The following CEP295NL variants were observed in gnomAD, a reference collection of about 807,000 sequenced individuals.
CEP295NL encodes the protein CEP295 N-terminal like, also known as protein DDC8 homolog.
In CEP295NL, 3 loss-of-function variants were observed where a neutral mutation model predicts 4.6. That is an observed-to-expected ratio of 0.65 (90% CI 0.30 to 1.69). The LOEUF is 1.69. Ranked by LOEUF, CEP295NL falls within the 40% of genes most tolerant of loss-of-function variation. The pLI is 0.10. For missense variants in CEP295NL, 719 were observed against 769.0 expected (o/e 0.93, Z 0.77); for synonymous variants, 295 against 312.2 (o/e 0.94, Z 0.58).
intron 2 of CEP295NL, among the ~76,000 whole-genome samples, chr17:78,894,797 C>G (rs780152989): frequency 6.6e-6 from 1 of 151,658 alleles, no homozygotes; most frequent in South Asian, 2.1e-4. Flanking sequence ...AACGGATAAG[C>G]TGAACATCAT....
Position 78,891,041 on chromosome 17 carries a change from T to C in CEP295NL, c.1463A>G (p.His488Arg), listed in dbSNP as rs978635869. 29 of 1,551,076 alleles carry C rather than the reference T, an allele frequency of 1.9e-5. No individual in the cohort carries two copies. Among genetic ancestry groups the C allele is most frequent in the Non-Finnish European group, 2.4e-5 (27 of 1,147,138 alleles). ...CACTCTGTCTGCCTGGTCTTGAAGG[T>C]GGAGCTGAAGGGAGCCCTCTGCCAG... is the stretch of plus-strand genomic sequence containing the variant. ...GTLAEGSLQL[H>R]LQDQADRVGS... Residue 488 changes from histidine (H) to arginine (R), a missense_variant, in exon 3 of 3, where the codon CAC becomes CGC. Coordinates refer to ENST00000322630, the MANE Select transcript of CEP295NL (RefSeq NM_001243540.2). The surrounding 1 kb of genome is among the most constrained non-coding windows in gnomAD (Gnocchi z 4.5).
chr17:78,892,463 C>T lies in CEP295NL; in HGVS notation c.45-4G>A, dbSNP rs575986803. Reference sequence around the variant, plus strand: ...GCCACAACGTTCCACAGCAAACCTACGAGGAAGGGAGCACAAGTGCAGCTT... The same window carrying T: ...GCCACAACGTTCCACAGCAAACCTATGAGGAAGGGAGCACAAGTGCAGCTT... On this transcript the variant is annotated splice_polypyrimidine_tract_variant and splice_region_variant and intron_variant, in intron 2 of 2. Coordinates refer to ENST00000322630, the MANE Select transcript of CEP295NL (RefSeq NM_001243540.2). 4.9e-5 allele frequency: 76 copies of T among 1,544,196 alleles called. No homozygotes were observed. The highest frequency in any genetic ancestry group is 4.6e-4 in the Admixed American group (23 of 50,334).
At chr17:78,897,394 G>A (rs1319829034) in intron 2 of CEP295NL, 1 of 152,176 alleles carries the variant, frequency 6.6e-6, no homozygotes, top group Non-Finnish European at 1.5e-5. Flanking sequence ...GCCTGTGAGA[G>A]AGTGGCCGCC....
At position 78,891,941 on chromosome 17, in the gene CEP295NL, T is replaced by A. The variant is rs1466430452; in HGVS notation, c.563A>T (p.His188Leu). 2 of 1,550,332 alleles carry A rather than the reference T, an allele frequency of 1.3e-6. No homozygotes were observed. Among genetic ancestry groups the A allele is most frequent in the Non-Finnish European group, 1.7e-6 (2 of 1,146,986 alleles). Residue 188 changes from histidine to leucine, a missense_variant, in exon 3 of 3, where the codon CAC becomes CTC. Physicochemically the swap from His to Leu is moderately conservative, Grantham distance 99. Coordinates refer to ENST00000322630, the MANE Select transcript of CEP295NL (RefSeq NM_001243540.2). This position sits in a 1 kb window ranked among gnomAD's most constrained non-coding sequence, Gnocchi z 4.5. ...CTTCCGGGGCCTGGAGTGCCTGGGG[T>A]GTTGCTGGCCCAACTCTTCCCTGCA... Reference protein sequence around the residue: ...RSCREELGQQHPRHSRPRKTA... With the variant: ...RSCREELGQQLPRHSRPRKTA...
In CEP295NL at chr17:78,901,909, G is replaced by A. The variant is rs2070099485; in HGVS notation, c.-81C>T. 1 of 627,148 alleles carries A rather than the reference G, an allele frequency of 1.6e-6. No individual in the cohort carries two copies. 38.8% of individuals were successfully genotyped at this position (627,148 alleles called of 1,614,324 possible). On this transcript the variant is annotated 5_prime_UTR_variant, in exon 2 of 3. Coordinates refer to ENST00000322630, the MANE Select transcript of CEP295NL (RefSeq NM_001243540.2). The stretch of plus-strand genomic sequence containing the variant: ...TGAAATCACTGGGCTGACTTTGTAG[G>A]TAGTGAGACGCCCATCACTGGAGGC...
Position 78,891,303 on chromosome 17 carries a change from G to C in CEP295NL, c.1201C>G (p.Leu401Val), listed in dbSNP as rs774601798. 3.2e-6 allele frequency: 5 copies of C among 1,550,518 alleles called. No homozygotes were observed. The South Asian group carries it at 3.6e-5, about 11-fold the overall frequency. The part of the protein sequence containing the change: ...RGKKMADPEM[L>V]PAGEPRSPAE... ...GGGCTCCTGGGTTCCCCGGCAGGCA[G>C]CATCTCTGGGTCTGCCATTTTCTTC... Residue 401 changes from leucine to valine, a missense_variant, in exon 3 of 3, where the codon CTG (leucine) becomes GTG (valine). Leu to Val is a conservative substitution (Grantham distance 32). Transcript: ENST00000322630. This position sits in a 1 kb window ranked among gnomAD's most constrained non-coding sequence, Gnocchi z 4.5.
In CEP295NL at chr17:78,896,434, T is replaced by C. The variant is rs1375490483; in HGVS notation, c.45-3975A>G. 6.6e-6 allele frequency among the ~76,000 whole-genome samples: 1 copy of C among 152,178 alleles called. No homozygotes were observed. The highest frequency in any genetic ancestry group is 6.5e-5 in the Admixed American group (1 of 15,280). On this transcript the variant is annotated intron_variant, in intron 2 of 2. Transcript: ENST00000322630. The surrounding 1 kb of genome is among the most constrained non-coding windows in gnomAD (Gnocchi z 4.4). The stretch of plus-strand genomic sequence containing the variant: ...GTGCCCTTGGCAGGACACTTGCCAA[T>C]GAAGACAGCCATGGTTCCAATCAGG...
intron 2 of CEP295NL, among the ~76,000 whole-genome samples, chr17:78,895,500 G>T (rs1256253214): frequency 2.6e-5 from 4 of 152,188 alleles, no homozygotes; most frequent in African/African-American, 9.7e-5. Flanking sequence ...GGAAGGAGGG[G>T]GAGGAATTGG....
At position 78,891,099 on chromosome 17, in the gene CEP295NL, C is replaced by A. The variant is rs2069884669; in HGVS notation, c.1405G>T (p.Glu469Ter). 6.4e-7 allele frequency: 1 copy of A among 1,550,694 alleles called. No individual in the cohort carries two copies. The highest frequency in any genetic ancestry group is 8.7e-7 in the Non-Finnish European group (1 of 1,147,034). ...AGTTTGGGGGTCTCTTGTCCAGATT[C>A]AGTGCTATACAATAATGAGTCCTCT... is the stretch of plus-strand genomic sequence containing the variant. ...NKEDSLLYST[E>*]SGQETPKLGT... Residue 469 changes from glutamate to a stop codon, truncating the protein, a stop_gained, in exon 3 of 3, where the codon GAA becomes TAA. Transcript: ENST00000322630. LOFTEE classifies it low-confidence loss of function (END_TRUNC). The surrounding 1 kb of genome is among the most constrained non-coding windows in gnomAD (Gnocchi z 4.5).
rs571823006 is a variant in CEP295NL, at chr17:78,891,962, C to G, written c.542G>C (p.Arg181Thr). ...GGGGTGTTGCTGGCCCAACTCTTCC[C>G]TGCAACTCCTCTCTTCACTAAGGGC... Reference protein sequence around the residue: ...RAALSEERSCREELGQQHPRH... With the variant: ...RAALSEERSCTEELGQQHPRH... Residue 181 changes from arginine (R) to threonine (T), a missense_variant, in exon 3 of 3, where the codon AGG becomes ACG. Arg to Thr is a moderately conservative substitution (Grantham distance 71). Coordinates refer to ENST00000322630, the MANE Select transcript of CEP295NL (RefSeq NM_001243540.2). This position sits in a 1 kb window ranked among gnomAD's most constrained non-coding sequence, Gnocchi z 4.5. The G allele has an allele frequency of 1.8e-4, 279 of 1,550,624 alleles. No individual in the cohort carries two copies. The African/African-American group carries it at 3.7e-3, about 20-fold the overall frequency.
Position 78,890,929 on chromosome 17 carries a change from G to A in CEP295NL, c.1575C>T (p.His525=). The A allele has an allele frequency of 6.4e-7, 1 of 1,550,854 alleles. No homozygotes were observed. The highest frequency in any genetic ancestry group is 8.7e-7 in the Non-Finnish European group (1 of 1,147,062). ...KQLESLEQME[H]PDMSLEIHYK... is the part of the protein sequence containing the mutation. Reference sequence around the variant, plus strand: ...AGTGGATTTCCAAGCTCATATCTGGGTGTTCCATTTGTTCAAGCGATTCCA... The same window carrying A: ...AGTGGATTTCCAAGCTCATATCTGGATGTTCCATTTGTTCAAGCGATTCCA... Residue 525 remains histidine, a synonymous_variant, in exon 3 of 3, where the codon CAC becomes CAT. Coordinates refer to ENST00000322630, the MANE Select transcript of CEP295NL (RefSeq NM_001243540.2).
rs193173233 is a variant in CEP295NL at position 78,895,867 on chromosome 17, G to A, written c.45-3408C>T. 2.3e-3 allele frequency among the ~76,000 whole-genome samples: 351 copies of A among 152,288 alleles called. 1 individual carries two copies. Among genetic ancestry groups the A allele is most frequent in the Admixed American group, 3.9e-3 (59 of 15,294 alleles). On this transcript the variant is annotated intron_variant, in intron 2 of 2. Transcript: ENST00000322630. ...ACAGTCTATTTCTGTGCCAAGAGCC[G>A]TTGGCTCACACCCCTTGTCAACCAA...
chr17:78,891,749 C>T lies in CEP295NL; in HGVS notation c.755G>A (p.Arg252Lys). 4 of 1,551,226 alleles carry T rather than the reference C, an allele frequency of 2.6e-6. No individual in the cohort carries two copies. Among genetic ancestry groups the T allele is most frequent in the Non-Finnish European group, 3.5e-6 (4 of 1,147,140 alleles). ...CACAGCAGCCACGAGTGGGTTTGAC[C>T]TTTCTAGGTCCGCCCCTTTGCTCCT... Reference protein sequence around the residue: ...PRRSKGADLERSNPLVAAVGE... With the variant: ...PRRSKGADLEKSNPLVAAVGE... Residue 252 changes from arginine (R) to lysine (K), a missense_variant, in exon 3 of 3, where the codon AGG (arginine) becomes AAG (lysine). Transcript: ENST00000322630. The surrounding 1 kb of genome is among the most constrained non-coding windows in gnomAD (Gnocchi z 4.5).
Position 78,892,214 on chromosome 17 carries a change from G to T in CEP295NL, c.290C>A (p.Ala97Glu), listed in dbSNP as rs541240826. ...GKGDLALQRRADAKLWKNYQL... is the reference protein window; with the variant it reads ...GKGDLALQRREDAKLWKNYQL... ...GTAGTTTTTCCACAGCTTGGCATCC[G>T]CTCTTCTCTGCAGAGCGAGATCGCC... The change falls in exon 3 of 3, where the codon GCG becomes GAG. Residue 97 changes from alanine (A) to glutamate (E), a missense_variant. Ala to Glu is a moderately radical substitution (Grantham distance 107). Transcript: ENST00000322630. 11 of 1,550,978 alleles carry T rather than the reference G, an allele frequency of 7.1e-6. No individual in the cohort carries two copies. In the South Asian group the frequency reaches 1.3e-4, roughly 18 times the overall value.
At chr17:78,900,766 T>TA (rs1016315397) in intron 2 of CEP295NL, among the ~76,000 whole-genome samples, 1 of 151,922 alleles carries the variant, frequency 6.6e-6, no homozygotes, top group African/African-American at 2.4e-5. Flanking sequence ...TCTTACAAGA[T>TA]AAAAAAAGGT....
rs770811442 is a variant in CEP295NL at position 78,891,880 on chromosome 17, T to G, written c.624A>C (p.Lys208Asn). The G allele has an allele frequency of 2.6e-6, 4 of 1,550,526 alleles. No individual in the cohort carries two copies. In the South Asian group the frequency reaches 4.8e-5, roughly 18 times the overall value. Residue 208 changes from lysine to asparagine, a missense_variant, in exon 3 of 3, where the codon AAA (lysine) becomes AAC (asparagine). Transcript: ENST00000322630. The surrounding 1 kb of genome is among the most constrained non-coding windows in gnomAD (Gnocchi z 4.5). ...AASPEKPQTTKATGRMNSHLA... is the reference protein window; with the variant it reads ...AASPEKPQTTNATGRMNSHLA... Reference sequence around the variant, plus strand: ...GGTGAGAATTCATCCGACCCGTGGCTTTTGTAGTCTGTGGTTTCTCTGGAC... The same window carrying G: ...GGTGAGAATTCATCCGACCCGTGGCGTTTGTAGTCTGTGGTTTCTCTGGAC...
intron 2 of CEP295NL, 38 bp from the exon 3 acceptor site, chr17:78,892,497 G>T (rs776803281): frequency 6.6e-7 from 1 of 1,511,164 alleles, no homozygotes; most frequent in Non-Finnish European, 8.9e-7. Flanking sequence ...TTTCCAGATC[G>T]CTCCCAGGAG....
At position 78,891,127 on chromosome 17, in the gene CEP295NL, G is replaced by A; in HGVS notation, c.1377C>T (p.Asn459=). ...TGCTATACAATAATGAGTCCTCTTT[G>A]TTGATAAATATACCTGCCTCGGGAG... ...TLSPEAGIFI[N]KEDSLLYSTE... Residue 459 remains asparagine, a synonymous_variant, in exon 3 of 3, where the codon AAC becomes AAT. Coordinates refer to ENST00000322630, the MANE Select transcript of CEP295NL (RefSeq NM_001243540.2). This position sits in a 1 kb window ranked among gnomAD's most constrained non-coding sequence, Gnocchi z 4.5. 6.4e-7 allele frequency: 1 copy of A among 1,550,720 alleles called. No individual in the cohort carries two copies. Among genetic ancestry groups the A allele is most frequent in the Non-Finnish European group, 8.7e-7 (1 of 1,147,030 alleles).
At position 78,901,943 on chromosome 17, in the gene CEP295NL, C is replaced by G. The variant is rs1034199799; in HGVS notation, c.-98-17G>C. 4 of 602,850 alleles carry G rather than the reference C, an allele frequency of 6.6e-6. No individual in the cohort carries two copies. Among genetic ancestry groups the G allele is most frequent in the Admixed American group, 6.0e-5 (2 of 33,204 alleles). The allele number at this position is 602,850 out of a possible 1,614,324, so 37.3% of individuals were successfully genotyped here. ...CGCCCATCACTGGAGGCATCCGAACCAAGCCCAGATAAAACAAACATCAGA... is the reference window on the plus strand; with the variant it reads ...CGCCCATCACTGGAGGCATCCGAACGAAGCCCAGATAAAACAAACATCAGA... On this transcript the variant is annotated splice_polypyrimidine_tract_variant and intron_variant, in intron 1 of 2. Coordinates refer to ENST00000322630, the MANE Select transcript of CEP295NL (RefSeq NM_001243540.2).
Sources: allele counts gnomAD v4.1 joint callset (sites outside exome capture counted in the v4.1 genomes callset), GRCh38; gene constraint gnomAD v4.1.1; non-coding constraint Gnocchi (gnomAD v3.1); transcripts MANE v1.5; gene names NCBI Gene and HGNC (gene_info 2026-07-23, HGNC 2026-07-21).